SEMA3E: variants seen among roughly 807,000 people sequenced by gnomAD.
SEMA3E encodes semaphorin-3E.
A neutral mutation model predicts 93.6 loss-of-function variants in SEMA3E; 49 were observed. The observed-to-expected ratio is 0.52, with a 90% CI of 0.42 to 0.66. The LOEUF is 0.66. Among genes scored for constraint, SEMA3E ranks in the 30% least tolerant of loss-of-function variants. SEMA3E has a pLI of 0.00. For missense variants in SEMA3E, 906 were observed against 964.8 expected, an observed-to-expected ratio of 0.94 and a Z score of 0.81; for synonymous variants, 363 against 330.7, an observed-to-expected ratio of 1.10 and a Z score of -1.06.
At chr7:83,471,667 T>C (rs904630651) in intron 2 of SEMA3E, among the ~76,000 whole-genome samples, 1 of 152,230 alleles carries the variant, frequency 6.6e-6, no homozygotes, top group Non-Finnish European at 1.5e-5. Context: ...GTTTTGGCTA[T>C]ACTTTCATTC....
At chr7:83,551,670 A>G (rs1404472860) in intron 1 of SEMA3E, among the ~76,000 whole-genome samples, 1 of 152,162 alleles carries the variant, frequency 6.6e-6, no homozygotes, top group Non-Finnish European at 1.5e-5. Context: ...TACATGAACA[A>G]TAACAGAACT....
Position 83,400,194 on chromosome 7 carries a change from A to T in SEMA3E, c.1200T>A (p.Asp400Glu). Reference protein sequence around the residue: ...RYGTTKDYPDDAIRFARSHPL... With the variant: ...RYGTTKDYPDEAIRFARSHPL... Reference sequence around the variant, plus strand: ...GATGACTTCTTGCAAATCGGATGGCATCATCAGGATAGTCCTTGGTGGTTC... The same window carrying T: ...GATGACTTCTTGCAAATCGGATGGCTTCATCAGGATAGTCCTTGGTGGTTC... The change falls in exon 11 of 17, where the codon GAT becomes GAA. Residue 400 changes from aspartate to glutamate, a missense_variant. Coordinates refer to ENST00000643230, the MANE Select transcript of SEMA3E (RefSeq NM_012431.3). 1 of 1,613,954 alleles carries T rather than the reference A, an allele frequency of 6.2e-7. No individual in the cohort carries two copies. Among genetic ancestry groups the T allele is most frequent in the African/African-American group, 1.3e-5 (1 of 75,010 alleles).
chr7:83,577,227 G>C (rs148713092), intron 1 of SEMA3E, among the ~76,000 whole-genome samples: 1 of 152,164 alleles, frequency 6.6e-6, no homozygotes, highest in Non-Finnish European at 1.5e-5. Flanking sequence ...CAGATAGATA[G>C]ATAGACAGAT....
chr7:83,367,768 G>T lies in SEMA3E; in HGVS notation c.2146C>A (p.Leu716Met). The change falls in exon 17 of 17, where the codon CTG becomes ATG. Residue 716 changes from leucine (L) to methionine (M), a missense_variant. Leu to Met is a conservative substitution (Grantham distance 15). Transcript: ENST00000643230. ...CTCTGGAAGTTGCTATAACCGATCA[G>T]CTGCAAGAATTCCTTGTACCATGGT... is the stretch of plus-strand genomic sequence containing the variant. ...AKPWYKEFLQ[L>M]IGYSNFQRVE... The T allele has an allele frequency of 1.9e-6, 3 of 1,614,072 alleles. No individual in the cohort carries two copies. The highest frequency in any genetic ancestry group is 1.7e-6 in the Non-Finnish European group (2 of 1,180,016).
In SEMA3E at chr7:83,648,785, A is replaced by G; in HGVS notation, c.-243T>C. 1.8e-6 allele frequency: 1 copy of G among 566,434 alleles called. No individual in the cohort carries two copies. Among genetic ancestry groups the G allele is most frequent in the African/African-American group, 1.9e-5 (1 of 53,284 alleles). 35.1% of individuals were successfully genotyped at this position (566,434 alleles called of 1,614,324 possible). A position where few individuals can be genotyped will look rare whatever the true frequency, so the allele number is the denominator to read the frequency against. ...AGGACATTCCAAAGAGTGAGTCTTC[A>G]GAGCCATGTCCTGTCTAGAGCGCTC... is the stretch of plus-strand genomic sequence containing the variant. On this transcript the variant is annotated 5_prime_UTR_variant, in exon 1 of 17. Coordinates refer to ENST00000643230, the MANE Select transcript of SEMA3E (RefSeq NM_012431.3).
At chr7:83,568,436 G>A (rs1220966217) in intron 1 of SEMA3E, among the ~76,000 whole-genome samples, 1 of 151,962 alleles carries the variant, frequency 6.6e-6, no homozygotes, top group East Asian at 1.9e-4. Context: ...AAAATCCGTA[G>A]GCCAATATTC....
chr7:83,384,876 GTTA>G (rs1787848200), intron 16 of SEMA3E, among the ~76,000 whole-genome samples: 1 of 151,808 alleles, frequency 6.6e-6, no homozygotes. Context: ...TTTTAATTCT[GTTA>G]TTATTCATAT....
At chr7:83,562,342 T>C (rs1792045765) in intron 1 of SEMA3E, among the ~76,000 whole-genome samples, 1 of 152,092 alleles carries the variant, frequency 6.6e-6, no homozygotes, top group Non-Finnish European at 1.5e-5. Flanking sequence ...TTGTATAATG[T>C]AATTGAGAGT....
At chr7:83,570,911 T>C (rs1792274101) in intron 1 of SEMA3E, among the ~76,000 whole-genome samples, 1 of 151,466 alleles carries the variant, frequency 6.6e-6, no homozygotes, top group African/African-American at 2.4e-5. Flanking sequence ...CAGAGACTAT[T>C]ATAAATACCT....
At chr7:83,450,483 G>C (rs939190851) in intron 4 of SEMA3E, among the ~76,000 whole-genome samples, 1 of 152,108 alleles carries the variant, frequency 6.6e-6, no homozygotes, top group African/African-American at 2.4e-5. Flanking sequence ...TAACTGTTGA[G>C]CAAAATAAGC....
At position 83,429,551 on chromosome 7, in the gene SEMA3E, T is replaced by C. The variant is rs2115738117; in HGVS notation, c.457-11068A>G. ...CTGGAAAAACATCATTTGCTGCCTATGTCATCCTCACCAACTTTTCAAATA... is the reference window on the plus strand; with the variant it reads ...CTGGAAAAACATCATTTGCTGCCTACGTCATCCTCACCAACTTTTCAAATA... On this transcript the variant is annotated intron_variant, in intron 4 of 16. Transcript: ENST00000643230. Among the ~76,000 whole-genome samples the C allele has an allele frequency of 1.3e-5, 2 of 152,324 alleles. 1 individual carries two copies. The highest frequency in any genetic ancestry group is 4.1e-4 in the South Asian group (2 of 4,830).
In SEMA3E at chr7:83,366,684, T is replaced by A. The variant is rs2116890322; in HGVS notation, c.*902A>T. 6.6e-6 allele frequency: 1 copy of A among 152,264 alleles called. No homozygotes were observed. The highest frequency in any genetic ancestry group is 1.5e-5 in the Non-Finnish European group (1 of 67,978). The allele number at this position is 152,264 out of a possible 1,614,324, so 9.4% of individuals were successfully genotyped here. On this transcript the variant is annotated 3_prime_UTR_variant, in exon 17 of 17. Transcript: ENST00000643230. The stretch of plus-strand genomic sequence containing the variant: ...ATACAAGGATTAACATGTTTTTTAT[T>A]TCAGTTATTTGTTTCTGCAAATGAA...
intron 4 of SEMA3E, among the ~76,000 whole-genome samples, chr7:83,436,184 G>A (rs183426368): frequency 7.1e-4 from 108 of 151,718 alleles, no homozygotes; most frequent in African/African-American, 2.4e-3. Context: ...ATATGTGTGT[G>A]TGTGTACACA....
chr7:83,567,323 CCTCACT>C lies in SEMA3E; in HGVS notation c.116-77055_116-77050del, dbSNP rs1360045222. On this transcript the variant is annotated intron_variant, in intron 1 of 16. Transcript: ENST00000643230. ...ACAATAAACTTTGGGGACTTCAACA[CCTCACT>C]CTCAACCTTAGACAGACTATTTAGA... Among the ~76,000 whole-genome samples, 3 of 152,040 alleles carry C rather than the reference CCTCACT, an allele frequency of 2.0e-5. No individual in the cohort carries two copies. The East Asian group carries it at 5.8e-4, about 29-fold the overall frequency.
chr7:83,458,955 G>GTA (rs1326846201), intron 4 of SEMA3E, among the ~76,000 whole-genome samples: 5 of 64,986 alleles, frequency 7.7e-5, no homozygotes, highest in Non-Finnish European at 1.7e-4. Flanking sequence ...ATATGTATAT[G>GTA]TGTGTGTGTG....
chr7:83,493,668 A>T (rs1790429363), intron 1 of SEMA3E, among the ~76,000 whole-genome samples: 1 of 151,968 alleles, frequency 6.6e-6, no homozygotes, highest in Non-Finnish European at 1.5e-5. Flanking sequence ...TCAACAAAAC[A>T]GTGACAACAA....
At chr7:83,558,240 A>G (rs188734633) in intron 1 of SEMA3E, among the ~76,000 whole-genome samples, 1 of 152,298 alleles carries the variant, frequency 6.6e-6, no homozygotes, top group East Asian at 1.9e-4. Flanking sequence ...GGAAGAAATC[A>G]CCAAAGATGC....
intron 4 of SEMA3E, among the ~76,000 whole-genome samples, 186 bp downstream of exon 4, chr7:83,466,296 T>C (rs1789754308): frequency 6.6e-6 from 1 of 152,194 alleles, no homozygotes; most frequent in Admixed American, 6.5e-5. Flanking sequence ...ATTAATTGGT[T>C]CACAGATTTT....
At position 83,648,569 on chromosome 7, in the gene SEMA3E, C is replaced by A. The variant is rs749661816; in HGVS notation, c.-27G>T. 2 of 1,556,210 alleles carry A rather than the reference C, an allele frequency of 1.3e-6. No homozygotes were observed. Among genetic ancestry groups the A allele is most frequent in the Non-Finnish European group, 1.8e-6 (2 of 1,128,410 alleles). On this transcript the variant is annotated 5_prime_UTR_variant, in exon 1 of 17. Transcript: ENST00000643230. ...CTGCCGTGTTCACCGTCCAAGCCCT[C>A]GCTCCTCACTTTAAGGAGGGTCTGA...
Sources: gnomAD v4.1 joint callset for allele counts (sites outside exome capture counted in the v4.1 genomes callset) on GRCh38, gnomAD v4.1.1 for gene constraint, MANE v1.5 for transcripts, NCBI Gene and HGNC (gene_info 2026-07-23, HGNC 2026-07-21) for gene names.